The following PTPRD variants were observed in gnomAD, a reference collection of about 807,000 sequenced individuals.
The protein encoded by PTPRD is receptor-type tyrosine-protein phosphatase delta.
Under a neutral mutation model 214.5 loss-of-function variants are expected in PTPRD, and 34 were observed. The ratio of observed to expected loss-of-function variants is 0.16; its 90% CI spans 0.12 to 0.21. PTPRD has a LOEUF of 0.21. Ranked by LOEUF, PTPRD falls within the 10% of genes least tolerant of loss-of-function variation. The pLI is 1.00. For missense variants in PTPRD, 2,545 were observed against 2,398.7 expected (o/e 1.06, Z -1.27); for synonymous variants, 1,128 against 845.7 (o/e 1.33, Z -5.79).
At chr9:9,835,837 T>C (rs1471825305) in intron 5 of PTPRD, among the ~76,000 whole-genome samples, 1 of 152,114 alleles carries the variant, frequency 6.6e-6, no homozygotes, top group Non-Finnish European at 1.5e-5. Context: ...TCCTGCCATA[T>C]TGTAATCCCT....
chr9:10,317,641 T>C (rs2096466893), intron 3 of PTPRD, among the ~76,000 whole-genome samples: 1 of 152,060 alleles, frequency 6.6e-6, no homozygotes, highest in Non-Finnish European at 1.5e-5. Flanking sequence ...TTTAAAAATC[T>C]ATTGTTTTTT....
intron 10 of PTPRD, among the ~76,000 whole-genome samples, chr9:9,106,612 C>CAAAAAAAAA (rs5896301): frequency 2.8e-5 from 2 of 71,632 alleles, no homozygotes; most frequent in Non-Finnish European, 2.5e-5. Flanking sequence ...ATTCCATAGG[C>CAAAAAAAAA]AAAAAAAAAA....
rs551785868 is a variant in PTPRD at position 10,391,441 on chromosome 9, GTGT to G, written c.-599-50427_-599-50425del. On this transcript the variant is annotated intron_variant, in intron 2 of 45. Coordinates refer to ENST00000381196, the MANE Select transcript of PTPRD (RefSeq NM_002839.4). ...CCTGTTGAGCATGGTCTAGCCTTAA[GTGT>G]TAGGGAAACTTCAATTATCACAAAG... Among the ~76,000 whole-genome samples the G allele has an allele frequency of 3.2e-4, 48 of 151,872 alleles. No individual in the cohort carries two copies. The South Asian group carries it at 6.2e-3, about 20-fold the overall frequency.
chr9:9,036,714 C>A (rs528353151), intron 10 of PTPRD, among the ~76,000 whole-genome samples: 1 of 152,202 alleles, frequency 6.6e-6, no homozygotes, highest in South Asian at 2.1e-4. Context: ...TCTTTACATC[C>A]ATAATATTAA....
chr9:8,502,008 G>C (rs1453186535), intron 23 of PTPRD, among the ~76,000 whole-genome samples: 1 of 151,990 alleles, frequency 6.6e-6, no homozygotes, highest in Non-Finnish European at 1.5e-5. Flanking sequence ...TATAATTTCT[G>C]TGCAAAATTT....
At chr9:9,542,692 A>C (rs1015490148) in intron 8 of PTPRD, among the ~76,000 whole-genome samples, 1 of 151,790 alleles carries the variant, frequency 6.6e-6, no homozygotes, top group African/African-American at 2.4e-5. Context: ...ATGAATGGTC[A>C]CCAATCAAGT....
chr9:10,151,201 C>G (rs1370878215), intron 3 of PTPRD, among the ~76,000 whole-genome samples: 1 of 139,030 alleles, frequency 7.2e-6, no homozygotes, highest in Non-Finnish European at 1.5e-5. Context: ...GCTGGGATTA[C>G]AGGCACATGC....
chr9:8,361,014 T>A (rs1428868317), intron 39 of PTPRD, among the ~76,000 whole-genome samples: 1 of 152,262 alleles, frequency 6.6e-6, no homozygotes, highest in Admixed American at 6.5e-5. Context: ...TTCATTCTTA[T>A]GTTCAAACCT....
intron 2 of PTPRD, among the ~76,000 whole-genome samples, chr9:10,584,421 C>T (rs977670489): frequency 6.6e-6 from 1 of 152,096 alleles, no homozygotes; most frequent in African/African-American, 2.4e-5. Flanking sequence ...TTGCAGTAGC[C>T]TCTAGATTTT....
intron 8 of PTPRD, among the ~76,000 whole-genome samples, chr9:9,502,251 C>T (rs1331206669): frequency 6.6e-6 from 1 of 151,772 alleles, no homozygotes; most frequent in Non-Finnish European, 1.5e-5. Flanking sequence ...ACTTTTTACC[C>T]TTTGACTAAT....
chr9:9,939,693 G>A (rs7859469), intron 4 of PTPRD, among the ~76,000 whole-genome samples: 79,534 of 151,900 alleles, frequency 0.52, 24,356 homozygotes, highest in East Asian at 0.91. Context: ...CTGTATTTTG[G>A]TAAATGCAGT....
chr9:9,646,336 T>G lies in PTPRD; in HGVS notation c.-286-71555A>C, dbSNP rs542554907. On this transcript the variant is annotated intron_variant, in intron 7 of 45. Transcript: ENST00000381196. Reference sequence around the variant, plus strand: ...GTGTGTGGGTGTGTGTGTGTGTGTGTGTGTGTGGGTGTGTGTGTGTGTGTG... The same window carrying G: ...GTGTGTGGGTGTGTGTGTGTGTGTGGGTGTGTGGGTGTGTGTGTGTGTGTG... Among the ~76,000 whole-genome samples the G allele has an allele frequency of 6.7e-5, 10 of 149,322 alleles. No homozygotes were observed. The South Asian group carries it at 8.3e-4, about 12-fold the overall frequency.
At chr9:9,857,625 T>G (rs2061809245) in intron 5 of PTPRD, among the ~76,000 whole-genome samples, 1 of 152,176 alleles carries the variant, frequency 6.6e-6, no homozygotes, top group East Asian at 1.9e-4. Flanking sequence ...AAGTTTTACA[T>G]TTATATATTA....
intron 5 of PTPRD, among the ~76,000 whole-genome samples, chr9:9,857,157 G>C (rs1280459710): frequency 6.6e-6 from 1 of 152,102 alleles, no homozygotes; most frequent in African/African-American, 2.4e-5. Context: ...TTGTTACTAT[G>C]ATTGTTTATG....
At position 9,920,050 on chromosome 9, in the gene PTPRD, A is replaced by T; in HGVS notation, c.-368+18457T>A. On this transcript the variant is annotated intron_variant, in intron 5 of 45. Coordinates refer to ENST00000381196, the MANE Select transcript of PTPRD (RefSeq NM_002839.4). Reference sequence around the variant, plus strand: ...TTACAATAAACGGGATTTAACCCATAAGCAGCAATGTTAGCAATTTTCAAA... The same window carrying T: ...TTACAATAAACGGGATTTAACCCATTAGCAGCAATGTTAGCAATTTTCAAA... Among the ~76,000 whole-genome samples, 2 of 152,128 alleles carry T rather than the reference A, an allele frequency of 1.3e-5. 1 individual carries two copies. Among genetic ancestry groups the T allele is most frequent in the Non-Finnish European group, 2.9e-5 (2 of 68,016 alleles).
rs1294078990 is a variant in PTPRD, at chr9:8,376,730, C to T, written c.4387-4G>A. On this transcript the variant is annotated splice_region_variant and splice_polypyrimidine_tract_variant and intron_variant, in intron 37 of 45. Transcript: ENST00000381196. ...GCCAATACTGGTCACACTTCACCTA[C>T]AAGAAACAAGTGACACATTCAGGGC... The T allele has an allele frequency of 1.2e-6, 2 of 1,612,578 alleles. No individual in the cohort carries two copies. The highest frequency in any genetic ancestry group is 1.7e-6 in the Non-Finnish European group (2 of 1,179,090).
At chr9:9,344,525 A>T (rs970155359) in intron 9 of PTPRD, among the ~76,000 whole-genome samples, 2 of 151,680 alleles carry the variant, frequency 1.3e-5, no homozygotes, top group Non-Finnish European at 2.9e-5. Context: ...AAGAAAGCTA[A>T]CTCATCTTTT....
At chr9:8,935,203 C>T (rs1281163438) in intron 11 of PTPRD, among the ~76,000 whole-genome samples, 2 of 151,902 alleles carry the variant, frequency 1.3e-5, no homozygotes, top group African/African-American at 4.8e-5. Flanking sequence ...ATATAGAATA[C>T]CCTAAAGACT....
intron 2 of PTPRD, among the ~76,000 whole-genome samples, chr9:10,508,943 T>A (rs2047023393): frequency 6.6e-6 from 1 of 152,014 alleles, no homozygotes; most frequent in Middle Eastern, 3.4e-3. Context: ...TAGAGTATAA[T>A]AAAAAAATAA....
Sources: allele counts gnomAD v4.1 joint callset (sites outside exome capture counted in the v4.1 genomes callset), GRCh38; gene constraint gnomAD v4.1.1; transcripts MANE v1.5; gene names NCBI Gene and HGNC (gene_info 2026-07-23, HGNC 2026-07-21).